Variants in CERS3 observed in about 807,000 individuals in gnomAD.
CERS3 encodes LAG1 homolog, ceramide synthase 3.
In CERS3, 33 loss-of-function variants were observed where a neutral mutation model predicts 50.3. That is an observed-to-expected ratio of 0.66 (90% CI 0.50 to 0.88). CERS3 has a LOEUF of 0.88. Ranked by LOEUF, CERS3 falls within the 40% of genes least tolerant of loss-of-function variation. The pLI is 0.00. For missense variants in CERS3, 470 were observed against 460.3 expected (o/e 1.02, Z -0.19); for synonymous variants, 176 against 155.2 (o/e 1.13, Z -0.99).
chr15:100,421,595 T>C (rs554686293), intron 11 of CERS3, among the ~76,000 whole-genome samples: 65 of 148,944 alleles, frequency 4.4e-4, no homozygotes, highest in African/African-American at 1.5e-3. Flanking sequence ...TTAAAGTTCA[T>C]ATGGAACCAA....
chr15:100,417,979 G>A (rs1272239141), intron 11 of CERS3, among the ~76,000 whole-genome samples: 1 of 152,058 alleles, frequency 6.6e-6, no homozygotes, highest in East Asian at 1.9e-4. Context: ...CAAAGATGGG[G>A]AAAAAACAGA....
At chr15:100,412,644 A>G (rs142823683) in intron 11 of CERS3, among the ~76,000 whole-genome samples, 1,555 of 152,300 alleles carry the variant, frequency 0.01, 27 homozygotes, top group African/African-American at 0.033. Context: ...CAATTTTTGT[A>G]GCTGTTCCAC....
At chr15:100,422,696 C>A in intron 11 of CERS3, among the ~76,000 whole-genome samples, 1 of 87,854 alleles carries the variant, frequency 1.1e-5, no homozygotes, top group Middle Eastern at 4.3e-3. Context: ...AAATGTCCAA[C>A]AATGATAGAC....
rs1315118893 is a variant in CERS3 at position 100,457,023 on chromosome 15, TAG to T, written c.846-979_846-978del. Among the ~76,000 whole-genome samples, 3 of 152,142 alleles carry T rather than the reference TAG, an allele frequency of 2.0e-5. No individual in the cohort carries two copies. In the East Asian group the frequency reaches 5.8e-4, roughly 29 times the overall value. On this transcript the variant is annotated intron_variant, in intron 10 of 11. Coordinates refer to ENST00000679737, the MANE Select transcript of CERS3 (RefSeq NM_001378789.1). The stretch of plus-strand genomic sequence containing the variant: ...TCAAACTTATATAGCACTATGAATT[TAG>T]AGTCTTTCAATAGGTTTGTTTGTAA...
intron 11 of CERS3, among the ~76,000 whole-genome samples, chr15:100,414,831 A>AAAAAAG (rs1254565851): frequency 6.6e-6 from 1 of 150,628 alleles, no homozygotes; most frequent in Non-Finnish European, 1.5e-5. Flanking sequence ...AAAAAAAAAA[A>AAAAAAG]CCCTGGAAGA....
intron 1 of CERS3, among the ~76,000 whole-genome samples, chr15:100,536,274 T>C (rs2037072985): frequency 6.6e-6 from 1 of 152,152 alleles, no homozygotes; most frequent in South Asian, 2.1e-4. Flanking sequence ...AGTAATAAGT[T>C]GTGCATTTTG....
At chr15:100,513,425 T>A (rs1057085095) in intron 2 of CERS3, among the ~76,000 whole-genome samples, 9 of 152,168 alleles carry the variant, frequency 5.9e-5, no homozygotes, top group Admixed American at 5.2e-4. Context: ...GTTGGACCCC[T>A]GCCTACTTTT....
chr15:100,469,590 C>T, intron 9 of CERS3, 106 bp from the exon 10 acceptor site: 2 of 785,092 alleles, frequency 2.5e-6, no homozygotes, highest in East Asian at 5.4e-5. Context: ...TCAAAACAAT[C>T]TGGGTGGAAA....
intron 1 of CERS3, among the ~76,000 whole-genome samples, chr15:100,524,010 G>A (rs2036714871): frequency 6.6e-6 from 1 of 152,084 alleles, no homozygotes; most frequent in African/African-American, 2.4e-5. Flanking sequence ...GTCCTTTCCT[G>A]TAGTACCAAT....
intron 4 of CERS3, among the ~76,000 whole-genome samples, chr15:100,489,769 A>G (rs903353717): frequency 6.6e-6 from 1 of 152,214 alleles, no homozygotes; most frequent in Non-Finnish European, 1.5e-5. Flanking sequence ...ACATATAAAG[A>G]TGGCTTGTCA....
intron 10 of CERS3, among the ~76,000 whole-genome samples, chr15:100,463,788 CCTTTTCTTTGCTGGTTGCGCAAACGGCA>C (rs1555527592): frequency 6.6e-6 from 1 of 152,182 alleles, no homozygotes; most frequent in Non-Finnish European, 1.5e-5. Flanking sequence ...CTTGTACCTT[CCTTTTCTTTGCTGGTTGCGCAAACGGCA>C]CTAAGCTGAC....
At chr15:100,533,558 CTCTCTTT>C (rs934765753), upstream of CERS3, among the ~76,000 whole-genome samples, 2 of 129,492 alleles carry the variant, frequency 1.5e-5, no homozygotes, top group Non-Finnish European at 3.1e-5. Flanking sequence ...CCTTCCCTCT[CTCTCTTT>C]TTTTTTTTTT....
intron 10 of CERS3, among the ~76,000 whole-genome samples, chr15:100,468,401 G>T (rs2034854532): frequency 6.6e-6 from 1 of 152,144 alleles, no homozygotes; most frequent in Non-Finnish European, 1.5e-5. Flanking sequence ...ACACTCTGTT[G>T]TTCCTCTCCA....
At chr15:100,525,049 C>A (rs1459656391) in intron 1 of CERS3, among the ~76,000 whole-genome samples, 2 of 152,132 alleles carry the variant, frequency 1.3e-5, no homozygotes. Context: ...TAAATATATG[C>A]CTTACCTGTG....
chr15:100,533,397 A>C (rs183045754), upstream of CERS3, among the ~76,000 whole-genome samples: 3 of 152,254 alleles, frequency 2.0e-5, no homozygotes, highest in Admixed American at 2.0e-4. Context: ...GACAGAGTAC[A>C]TTTATGTATC....
chr15:100,474,140 CG>C (rs869053020), intron 8 of CERS3, among the ~76,000 whole-genome samples: 2 of 29,436 alleles, frequency 6.8e-5, no homozygotes, highest in Non-Finnish European at 1.3e-4. Flanking sequence ...TTGAGAGAAA[CG>C]AGGAGTGACT....
intron 11 of CERS3, among the ~76,000 whole-genome samples, chr15:100,447,499 G>A (rs1407246586): frequency 6.6e-6 from 1 of 152,156 alleles, no homozygotes; most frequent in Non-Finnish European, 1.5e-5. Context: ...AGGATCTCCT[G>A]CGGCTGTGTC....
intron 3 of CERS3, among the ~76,000 whole-genome samples, chr15:100,495,464 A>C (rs973704898): frequency 6.6e-6 from 1 of 152,176 alleles, no homozygotes; most frequent in African/African-American, 2.4e-5. Context: ...GAATTTTCAG[A>C]GGTTCTTACT....
intron 10 of CERS3, among the ~76,000 whole-genome samples, chr15:100,464,969 T>C (rs2008715): frequency 0.5 from 76,475 of 151,696 alleles, 19,770 homozygotes; most frequent in Middle Eastern, 0.58. Flanking sequence ...GGAGACTCGT[T>C]AGGAGAGTAT....
Sources: gnomAD v4.1 joint callset for allele counts (sites outside exome capture counted in the v4.1 genomes callset) on GRCh38, gnomAD v4.1.1 for gene constraint, MANE v1.5 for transcripts, NCBI Gene and HGNC (gene_info 2026-07-23, HGNC 2026-07-21) for gene names.